F10: variants seen among roughly 807,000 people sequenced by gnomAD.
F10 encodes the protein Stuart-Prower factor.
Under a neutral mutation model 37.1 loss-of-function variants are expected in F10, and 29 were observed. That is an observed-to-expected ratio of 0.78 (90% CI 0.58 to 1.07). F10 has a LOEUF of 1.07. F10 is among the 50% of genes least tolerant of loss of function. F10 has a pLI of 0.00. For synonymous variants in F10, 262 were observed against 268.6 expected, an observed-to-expected ratio of 0.98 and a Z score of 0.24; for missense variants, 539 against 667.9, an observed-to-expected ratio of 0.81 and a Z score of 2.13.
intron 1 of F10, chr13:113,128,534 T>C (rs117471039): frequency 6.6e-6 from 1 of 152,302 alleles, no homozygotes; most frequent in East Asian, 1.9e-4. Flanking sequence ...AGGGAATAGA[T>C]GGCAACTGTT....
At chr13:113,136,149 A>G (rs1249587977) in intron 2 of F10, among the ~76,000 whole-genome samples, 2 of 152,168 alleles carry the variant, frequency 1.3e-5, no homozygotes, top group East Asian at 1.9e-4. Flanking sequence ...ACTCAACATT[A>G]TTAGCTCTTA....
chr13:113,129,398 G>T, intron 1 of F10, 54 bp from the exon 2 acceptor site: 1 of 1,573,784 alleles, frequency 6.4e-7, no homozygotes, highest in East Asian at 2.2e-5. Flanking sequence ...TAGGTGAGGG[G>T]GAGCCTGGGT....
intron 6 of F10, among the ~76,000 whole-genome samples, chr13:113,145,045 ATT>A (rs545465136): frequency 6.6e-6 from 1 of 151,862 alleles, no homozygotes; most frequent in Admixed American, 6.6e-5. Context: ...CGCCCAGCTA[ATT>A]TTTTTTGTAT....
At chr13:113,138,626 T>A (rs972737229) in intron 3 of F10, 145 bp downstream of exon 3, 1 of 600,942 alleles carries the variant, frequency 1.7e-6, no homozygotes, top group African/African-American at 1.9e-5. Context: ...TCCATAATAG[T>A]TATTGTAAAA....
At chr13:113,128,886 GAAAAAAAAAA>G (rs778396585) in intron 1 of F10, 11 of 44,818 alleles carry the variant, frequency 2.5e-4, no homozygotes, top group South Asian at 1.1e-3. Context: ...ATCTTAAAGA[GAAAAAAAAAA>G]AAAAAAAAAA....
Position 113,143,930 on chromosome 13 carries a change from C to T in F10, c.582C>T (p.Ala194=), listed in dbSNP as rs374894184. The T allele has an allele frequency of 2.5e-6, 4 of 1,613,338 alleles. No individual in the cohort carries two copies. Among genetic ancestry groups the T allele is most frequent in the Non-Finnish European group, 2.5e-6 (3 of 1,180,000 alleles). ...AGGCCACCAGCAGCAGCGGGGAGGC[C>T]CCTGACAGCATCACATGGAAGCCAT... ...VAQATSSSGE[A]PDSITWKPYD... is the part of the protein sequence containing the mutation. Residue 194 remains alanine, a synonymous_variant, in exon 6 of 8, where the codon GCC becomes GCT. Transcript: ENST00000375559. The surrounding 1 kb of genome is among the most constrained non-coding windows in gnomAD (Gnocchi z 6.8).
intron 1 of F10, among the ~76,000 whole-genome samples, chr13:113,123,466 C>T (rs1037716594): frequency 6.6e-6 from 1 of 152,164 alleles, no homozygotes; most frequent in Non-Finnish European, 1.5e-5. Flanking sequence ...CAGGGCTGTC[C>T]AGGACCCCCG....
chr13:113,143,803 G>A lies in F10; in HGVS notation c.503-48G>A. ...CTCAGGGTGAGCTGTGCAGGCTATG[G>A]GGAGCCTCTCTCTGTGCTGAAGGCC... On this transcript the variant is annotated intron_variant, in intron 5 of 7. Transcript: ENST00000375559. This position sits in a 1 kb window ranked among gnomAD's most constrained non-coding sequence, Gnocchi z 6.8. 1 of 1,605,578 alleles carries A rather than the reference G, an allele frequency of 6.2e-7. No individual in the cohort carries two copies. Among genetic ancestry groups the A allele is most frequent in the Admixed American group, 1.7e-5 (1 of 60,016 alleles).
chr13:113,139,524 G>A lies in F10; in HGVS notation c.370+54G>A. 7.3e-7 allele frequency: 1 copy of A among 1,368,426 alleles called. No homozygotes were observed. Among genetic ancestry groups the A allele is most frequent in the Non-Finnish European group, 1.0e-6 (1 of 958,446 alleles). 84.8% of individuals were successfully genotyped at this position (1,368,426 alleles called of 1,614,324 possible). A position where few individuals can be genotyped will look rare whatever the true frequency, so the allele number is the denominator to read the frequency against. ...GATCAGATGCCCCTGAAGAGTGGCA[G>A]GTGGGCGGGGGAAGAAGTGAAAACG... On this transcript the variant is annotated intron_variant, in intron 4 of 7. Coordinates refer to ENST00000375559, the MANE Select transcript of F10 (RefSeq NM_000504.4). The surrounding 1 kb of genome is among the most constrained non-coding windows in gnomAD (Gnocchi z 5.2).
chr13:113,149,181 C>G lies in F10; in HGVS notation c.1131C>G (p.Leu377=). ...AGAAGGGCCGGCAGTCCACCAGGCT[C>G]AAGATGCTGGAGGTGCCCTACGTGG... ...THEKGRQSTR[L]KMLEVPYVDR... Residue 377 remains leucine (L), a synonymous_variant, in exon 8 of 8, where the codon CTC becomes CTG. Transcript: ENST00000375559. The surrounding 1 kb of genome is among the most constrained non-coding windows in gnomAD (Gnocchi z 7.5). 1 of 1,612,984 alleles carries G rather than the reference C, an allele frequency of 6.2e-7. No homozygotes were observed. The highest frequency in any genetic ancestry group is 1.3e-5 in the African/African-American group (1 of 75,040).
chr13:113,129,880 A>T (rs2036413173), intron 2 of F10: 1 of 517,358 alleles, frequency 1.9e-6, no homozygotes, highest in East Asian at 3.5e-5. Flanking sequence ...GGCTTCTGCC[A>T]GAGTTAAGTT....
In F10 at chr13:113,143,261, G is replaced by C. The variant is rs1472785139; in HGVS notation, c.503-590G>C. The stretch of plus-strand genomic sequence containing the variant: ...TGCCCTAATTGGCCGTTATACAAAA[G>C]GAAGCTTCCTAACATCTCGGCGTGG... On this transcript the variant is annotated intron_variant, in intron 5 of 7. Coordinates refer to ENST00000375559, the MANE Select transcript of F10 (RefSeq NM_000504.4). The surrounding 1 kb of genome is among the most constrained non-coding windows in gnomAD (Gnocchi z 6.8). 6.6e-6 allele frequency among the ~76,000 whole-genome samples: 1 copy of C among 151,758 alleles called. No individual in the cohort carries two copies. Among genetic ancestry groups the C allele is most frequent in the East Asian group, 1.9e-4 (1 of 5,170 alleles).
chr13:113,147,644 A>G, intron 7 of F10, 148 bp downstream of exon 7: 4 of 669,490 alleles, frequency 6.0e-6, no homozygotes, highest in Admixed American at 4.2e-5. Flanking sequence ...TTCACAGAGG[A>G]AGAAGATGAG....
intron 1 of F10, among the ~76,000 whole-genome samples, chr13:113,123,913 C>T (rs2036345500): frequency 6.6e-6 from 1 of 152,166 alleles, no homozygotes; most frequent in Admixed American, 6.5e-5. Flanking sequence ...CTGTGTGGCT[C>T]CAACTCGCCC....
At position 113,146,356 on chromosome 13, in the gene F10, A is replaced by AC. The variant is rs1225199954; in HGVS notation, c.748-1023_748-1022insC. Among the ~76,000 whole-genome samples, 2 of 152,122 alleles carry AC rather than the reference A, an allele frequency of 1.3e-5. No homozygotes were observed. The highest frequency in any genetic ancestry group is 1.3e-4 in the Admixed American group (2 of 15,282). On this transcript the variant is annotated intron_variant, in intron 6 of 7. Coordinates refer to ENST00000375559, the MANE Select transcript of F10 (RefSeq NM_000504.4). This position sits in a 1 kb window ranked among gnomAD's most constrained non-coding sequence, Gnocchi z 4.5. ...GAGACCCCACCGAGGATGAGCAGGAAAAGCCTCTTGTGGGGCTGAGGAGCT... is the reference window on the plus strand; with the variant it reads ...GAGACCCCACCGAGGATGAGCAGGAACAAGCCTCTTGTGGGGCTGAGGAGCT...
chr13:113,139,483 G>T lies in F10; in HGVS notation c.370+13G>T. 6.2e-7 allele frequency: 1 copy of T among 1,600,720 alleles called. No homozygotes were observed. Among genetic ancestry groups the T allele is most frequent in the Non-Finnish European group, 8.6e-7 (1 of 1,167,838 alleles). ...AACTGTGAATTATGTAGGTTCCTCTGCTTGGTATACCTTCAGATCAGATGC... is the reference window on the plus strand; with the variant it reads ...AACTGTGAATTATGTAGGTTCCTCTTCTTGGTATACCTTCAGATCAGATGC... On this transcript the variant is annotated intron_variant, in intron 4 of 7. Transcript: ENST00000375559. This position sits in a 1 kb window ranked among gnomAD's most constrained non-coding sequence, Gnocchi z 5.2.
At chr13:113,140,882 C>T (rs578220617) in intron 4 of F10, 37 bp from the exon 5 acceptor site, 2 of 1,613,636 alleles carry the variant, frequency 1.2e-6, no homozygotes, top group African/African-American at 1.3e-5. Flanking sequence ...TCCATTTCTC[C>T]AGCTGTCCCC....
intron 2 of F10, among the ~76,000 whole-genome samples, 162 bp downstream of exon 2, chr13:113,129,774 C>G (rs2036411194): frequency 6.6e-6 from 1 of 152,216 alleles, no homozygotes; most frequent in South Asian, 2.1e-4. Flanking sequence ...TCGGCGGAGT[C>G]CTGCCCACAG....
rs1375694828 is a variant in F10 at position 113,139,228 on chromosome 13, T to C, written c.257-129T>C. 2.8e-6 allele frequency: 2 copies of C among 710,920 alleles called. No homozygotes were observed. Among genetic ancestry groups the C allele is most frequent in the Non-Finnish European group, 5.0e-6 (2 of 403,828 alleles). The allele number at this position is 710,920 out of a possible 1,614,324, so 44.0% of individuals were successfully genotyped here. ...TCAAATAAAGTCCAAAGAGGGGGAG[T>C]TGTTTACAGAGAAACCGGAAGACTC... On this transcript the variant is annotated intron_variant, in intron 3 of 7. Coordinates refer to ENST00000375559, the MANE Select transcript of F10 (RefSeq NM_000504.4). This position sits in a 1 kb window ranked among gnomAD's most constrained non-coding sequence, Gnocchi z 5.2.
Sources: allele counts gnomAD v4.1 joint callset (sites outside exome capture counted in the v4.1 genomes callset), GRCh38; gene constraint gnomAD v4.1.1; non-coding constraint Gnocchi (gnomAD v3.1); transcripts MANE v1.5; gene names NCBI Gene and HGNC (gene_info 2026-07-23, HGNC 2026-07-21).